The following IMMP2L variants were observed in gnomAD, a reference collection of about 807,000 sequenced individuals.
The protein encoded by IMMP2L is mitochondrial inner membrane protease subunit 2.
In IMMP2L, 18 loss-of-function variants were observed where a neutral mutation model predicts 19.3. That is an observed-to-expected ratio of 0.93 (90% CI 0.64 to 1.38). The LOEUF (loss-of-function observed/expected upper bound fraction) is 1.38, where lower values mean the gene tolerates loss of function less well. IMMP2L is among the 40% of genes most tolerant of loss of function. The probability of loss-of-function intolerance (pLI) is 0.00; values close to 1 mark genes in which losing one functional copy is unlikely to be tolerated. For missense variants in IMMP2L, 233 were observed against 218.2 expected, an observed-to-expected ratio of 1.07 and a Z score of -0.43; for synonymous variants, 76 against 73.0, an observed-to-expected ratio of 1.04 and a Z score of -0.21.
intron 4 of IMMP2L, among the ~76,000 whole-genome samples, chr7:110,913,889 G>A (rs1362753246): frequency 6.6e-6 from 1 of 152,170 alleles, no homozygotes; most frequent in Non-Finnish European, 1.5e-5. Context: ...CCTTGTTTGA[G>A]GAAAGAGCAG....
intron 3 of IMMP2L, among the ~76,000 whole-genome samples, chr7:111,467,425 T>C (rs1238141470): frequency 6.6e-6 from 1 of 152,212 alleles, no homozygotes; most frequent in East Asian, 1.9e-4. Flanking sequence ...GAATATTTTG[T>C]TGCAGTTTTT....
chr7:110,867,368 C>T (rs1808081886), intron 5 of IMMP2L, among the ~76,000 whole-genome samples: 1 of 151,930 alleles, frequency 6.6e-6, no homozygotes. Context: ...TTCCAAATAT[C>T]ATTACATTGG....
chr7:110,978,959 C>A (rs1820973735), intron 3 of IMMP2L, among the ~76,000 whole-genome samples: 1 of 151,912 alleles, frequency 6.6e-6, no homozygotes, highest in Non-Finnish European at 1.5e-5. Flanking sequence ...TATAAATATA[C>A]TTTTTAGTAA....
chr7:111,491,107 T>C (rs529336718), intron 2 of IMMP2L, among the ~76,000 whole-genome samples: 1 of 152,158 alleles, frequency 6.6e-6, no homozygotes, highest in Non-Finnish European at 1.5e-5. Context: ...TTTACGATGA[T>C]CCTCTTCCAC....
chr7:110,806,686 T>A (rs746830958), intron 5 of IMMP2L, among the ~76,000 whole-genome samples: 30 of 152,014 alleles, frequency 2.0e-4, no homozygotes, highest in Non-Finnish European at 3.5e-4. Context: ...ATTTCTGTGC[T>A]CAGATCTATG....
chr7:110,780,830 C>G (rs1319803218), intron 5 of IMMP2L, among the ~76,000 whole-genome samples: 1 of 151,758 alleles, frequency 6.6e-6, no homozygotes, highest in Non-Finnish European at 1.5e-5. Context: ...AGAACAGGCT[C>G]AGAGTGCCAG....
intron 3 of IMMP2L, among the ~76,000 whole-genome samples, chr7:111,342,831 T>C (rs7794359): frequency 0.011 from 1,618 of 152,166 alleles, 35 homozygotes; most frequent in African/African-American, 0.036. Flanking sequence ...CTTTCAAAGA[T>C]ACACGAATCT....
At chr7:111,272,288 A>T (rs1440320162) in intron 3 of IMMP2L, among the ~76,000 whole-genome samples, 1 of 152,088 alleles carries the variant, frequency 6.6e-6, no homozygotes, top group East Asian at 1.9e-4. Flanking sequence ...GCTCATGCTA[A>T]TGTCTATAAA....
At chr7:110,883,662 G>A (rs905917273) in intron 5 of IMMP2L, among the ~76,000 whole-genome samples, 2 of 152,088 alleles carry the variant, frequency 1.3e-5, no homozygotes, top group Admixed American at 1.3e-4. Context: ...GAAAGGTTAT[G>A]TTTGCCTTGA....
chr7:111,526,337 C>T (rs1010165316), intron 1 of IMMP2L, among the ~76,000 whole-genome samples: 1 of 152,022 alleles, frequency 6.6e-6, no homozygotes, highest in Non-Finnish European at 1.5e-5. Context: ...GTTTAATAAC[C>T]ACTCATATGT....
At chr7:110,704,536 T>C (rs567270290) in intron 5 of IMMP2L, among the ~76,000 whole-genome samples, 1 of 152,368 alleles carries the variant, frequency 6.6e-6, no homozygotes, top group Admixed American at 6.5e-5. Flanking sequence ...TCTGTGGCAG[T>C]GCTGCCTCAA....
chr7:110,842,550 G>C (rs117955357), intron 5 of IMMP2L, among the ~76,000 whole-genome samples: 1 of 152,204 alleles, frequency 6.6e-6, no homozygotes, highest in Non-Finnish European at 1.5e-5. Context: ...ATTGTTGTAC[G>C]TGGCAGCTTA....
intron 4 of IMMP2L, among the ~76,000 whole-genome samples, 188 bp downstream of exon 4, chr7:110,963,312 A>G (rs1044555734): frequency 3.9e-5 from 6 of 151,992 alleles, no homozygotes; most frequent in Admixed American, 2.0e-4. Context: ...TAACAATATG[A>G]TCAGTAAGTT....
intron 3 of IMMP2L, among the ~76,000 whole-genome samples, chr7:111,435,819 C>G (rs1837105152): frequency 6.6e-6 from 1 of 151,810 alleles, no homozygotes; most frequent in South Asian, 2.1e-4. Context: ...TTAGATCCAC[C>G]CCGGGCAACA....
At chr7:111,363,468 C>T (rs1829447647) in intron 3 of IMMP2L, among the ~76,000 whole-genome samples, 1 of 152,044 alleles carries the variant, frequency 6.6e-6, no homozygotes, top group African/African-American at 2.4e-5. Context: ...CCTTTTTGAT[C>T]ATAATAAAGT....
At chr7:110,735,632 A>AG in intron 5 of IMMP2L, among the ~76,000 whole-genome samples, 1 of 143,696 alleles carries the variant, frequency 7.0e-6, no homozygotes, top group Non-Finnish European at 1.5e-5. Flanking sequence ...CTGTGTCTAC[A>AG]AATATATATA....
intron 5 of IMMP2L, among the ~76,000 whole-genome samples, chr7:110,844,790 T>C (rs1805509959): frequency 6.6e-6 from 1 of 151,724 alleles, no homozygotes; most frequent in African/African-American, 2.4e-5. Flanking sequence ...CTCTCCCAAC[T>C]CCACATTTCC....
At position 111,426,085 on chromosome 7, in the gene IMMP2L, A is replaced by T. The variant is rs770404782; in HGVS notation, c.239+61153T>A. On this transcript the variant is annotated intron_variant, in intron 3 of 5. Transcript: ENST00000405709. ...TGAGTAAAATTTTGCCAGATTGGGT[A>T]CAGGGAGCAGAAAGTTCATCCCAGG... Among the ~76,000 whole-genome samples, 9 of 151,144 alleles carry T rather than the reference A, an allele frequency of 6.0e-5. 1 individual carries two copies. In the South Asian group the frequency reaches 1.2e-3, roughly 21 times the overall value.
intron 3 of IMMP2L, among the ~76,000 whole-genome samples, chr7:111,369,369 G>GAAAATTTT (rs201559668): frequency 0.012 from 1,852 of 151,880 alleles, 15 homozygotes; most frequent in Non-Finnish European, 0.017. Flanking sequence ...CAAATGTTTT[G>GAAAATTTT]CTACAGTTGT....
Sources: gnomAD v4.1 joint callset for allele counts (sites outside exome capture counted in the v4.1 genomes callset) on GRCh38, gnomAD v4.1.1 for gene constraint, MANE v1.5 for transcripts, NCBI Gene and HGNC (gene_info 2026-07-23, HGNC 2026-07-21) for gene names.